The following VAV1 variants were observed in gnomAD, a reference collection of about 807,000 sequenced individuals.
VAV1 encodes vav guanine nucleotide exchange factor 1, also known as proto-oncogene vav.
Under a neutral mutation model 128.1 loss-of-function variants are expected in VAV1, and 33 were observed. The ratio of observed to expected loss-of-function variants is 0.26; its 90% CI spans 0.20 to 0.34. The LOEUF (loss-of-function observed/expected upper bound fraction) is 0.34, where lower values mean the gene tolerates loss of function less well. Among genes scored for constraint, VAV1 ranks in the 10% least tolerant of loss-of-function variants. The pLI is 1.00. For missense variants in VAV1, 715 were observed against 1,093.7 expected (o/e 0.65, Z 4.88); for synonymous variants, 394 against 409.8 (o/e 0.96, Z 0.47).
chr19:6,795,949 C>G (rs1017798211), intron 1 of VAV1, among the ~76,000 whole-genome samples: 2 of 152,160 alleles, frequency 1.3e-5, no homozygotes, highest in African/African-American at 4.8e-5. Context: ...TCCCAAAGTG[C>G]TGGGATTCCA....
At chr19:6,827,514 A>T (rs1568306787) in intron 9 of VAV1, among the ~76,000 whole-genome samples, 1 of 151,694 alleles carries the variant, frequency 6.6e-6, no homozygotes, top group Non-Finnish European at 1.5e-5. Context: ...GGCTCAAGCG[A>T]CTCACCCACT....
chr19:6,779,540 G>A lies in VAV1; in HGVS notation c.204+6529G>A, dbSNP rs80234404. Among the ~76,000 whole-genome samples the A allele has an allele frequency of 1.2e-3, 183 of 150,662 alleles. 2 individuals carry two copies. The highest frequency in any genetic ancestry group is 4.1e-3 in the African/African-American group (171 of 41,388). On this transcript the variant is annotated intron_variant, in intron 1 of 26. Coordinates refer to ENST00000602142, the MANE Select transcript of VAV1 (RefSeq NM_005428.4). ...TTCAAGAAAGACTTACATTTTGCTC[G>A]CCCTGTGCTAGACATTAGTCTAAAC...
chr19:6,842,911 A>T (rs1448086473), intron 21 of VAV1, among the ~76,000 whole-genome samples: 1 of 152,150 alleles, frequency 6.6e-6, no homozygotes, highest in Non-Finnish European at 1.5e-5. Flanking sequence ...GAGGGTAATG[A>T]TAAACTGCTG....
At chr19:6,845,329 G>A (rs902503007) in intron 22 of VAV1, among the ~76,000 whole-genome samples, 2 of 152,100 alleles carry the variant, frequency 1.3e-5, no homozygotes, top group Non-Finnish European at 2.9e-5. Context: ...AGGTTGCAGT[G>A]AGCCGAGATT....
Position 6,822,375 on chromosome 19 carries a change from G to T in VAV1, c.559-44G>T. The T allele has an allele frequency of 1.3e-6, 2 of 1,551,420 alleles. No homozygotes were observed. On this transcript the variant is annotated intron_variant, in intron 5 of 26. Coordinates refer to ENST00000602142, the MANE Select transcript of VAV1 (RefSeq NM_005428.4). This position sits in a 1 kb window ranked among gnomAD's most constrained non-coding sequence, Gnocchi z 5.9. ...GGCCTGGGGAGGGCGTGGGCGGGGG[G>T]CAGCCCCAGGCCCCCCAACACCGGC...
At chr19:6,780,266 C>T (rs917880500) in intron 1 of VAV1, among the ~76,000 whole-genome samples, 2 of 150,000 alleles carry the variant, frequency 1.3e-5, no homozygotes, top group African/African-American at 4.9e-5. Flanking sequence ...ATGCTAAATC[C>T]CTATTTACAG....
Position 6,820,577 on chromosome 19 carries a change from T to G in VAV1, c.205-125T>G. The G allele has an allele frequency of 1.1e-5, 8 of 703,546 alleles. No homozygotes were observed. Among genetic ancestry groups the G allele is most frequent in the Non-Finnish European group, 2.0e-5 (8 of 396,082 alleles). 43.6% of individuals were successfully genotyped at this position (703,546 alleles called of 1,614,324 possible). On this transcript the variant is annotated intron_variant, in intron 1 of 26. Transcript: ENST00000602142. The surrounding 1 kb of genome is among the most constrained non-coding windows in gnomAD (Gnocchi z 4.4). ...AATCTTTACCAGAAGATAATTCAAT[T>G]TCATGGAAGAGGGTCTGTGCTTTCA...
intron 14 of VAV1, among the ~76,000 whole-genome samples, chr19:6,831,317 C>G (rs2144787707): frequency 6.6e-6 from 1 of 152,034 alleles, no homozygotes; most frequent in East Asian, 1.9e-4. Flanking sequence ...TGTGGCTTCT[C>G]TATTTCTTTT....
intron 1 of VAV1, among the ~76,000 whole-genome samples, chr19:6,812,788 G>C (rs1653756196): frequency 6.6e-6 from 1 of 152,094 alleles, no homozygotes; most frequent in Non-Finnish European, 1.5e-5. Context: ...TAATGATGGT[G>C]GTGATGATTA....
At position 6,801,267 on chromosome 19, in the gene VAV1, G is replaced by T. The variant is rs75887324; in HGVS notation, c.205-19435G>T. ...CACCAGGCTCTACCGCAAACATTGGGTCAAGTATTTTCATTCCCGACGTAC... is the reference window on the plus strand; with the variant it reads ...CACCAGGCTCTACCGCAAACATTGGTTCAAGTATTTTCATTCCCGACGTAC... On this transcript the variant is annotated intron_variant, in intron 1 of 26. Transcript: ENST00000602142. Among the ~76,000 whole-genome samples, 620 of 152,250 alleles carry T rather than the reference G, an allele frequency of 4.1e-3. 1 individual carries two copies. Among genetic ancestry groups the T allele is most frequent in the African/African-American group, 0.014 (596 of 41,556 alleles).
chr19:6,789,420 T>G (rs1970967161), intron 1 of VAV1, among the ~76,000 whole-genome samples: 2 of 152,042 alleles, frequency 1.3e-5, no homozygotes, highest in Non-Finnish European at 2.9e-5. Context: ...GCCCAGCTAA[T>G]TTTTTATATT....
intron 1 of VAV1, among the ~76,000 whole-genome samples, chr19:6,794,973 T>C (rs892912050): frequency 6.6e-6 from 1 of 152,142 alleles, no homozygotes; most frequent in Non-Finnish European, 1.5e-5. Flanking sequence ...GGCTATTGAC[T>C]GGAGCACTTA....
In VAV1 at chr19:6,820,780, G is replaced by C. The variant is rs2144767743; in HGVS notation, c.283G>C (p.Glu95Gln). ...CGGCCTCAAGCGGAGCGAGCTCTTC[G>C]AAGCCTTTGACCTCTTCGATGTGCA... ...KFGLKRSELF[E>Q]AFDLFDVQDF... The change falls in exon 2 of 27, where the codon GAA (glutamate) becomes CAA (glutamine). Residue 95 changes from glutamate to glutamine, a missense_variant. Physicochemically the swap from Glu to Gln is conservative, Grantham distance 29. This residue lies in a region of VAV1 where 302 missense variants were observed against 477.8 expected (regional missense o/e 0.63). Coordinates refer to ENST00000602142, the MANE Select transcript of VAV1 (RefSeq NM_005428.4). The surrounding 1 kb of genome is among the most constrained non-coding windows in gnomAD (Gnocchi z 4.4). 6.2e-7 allele frequency: 1 copy of C among 1,614,198 alleles called. No homozygotes were observed. Among genetic ancestry groups the C allele is most frequent in the African/African-American group, 1.3e-5 (1 of 75,036 alleles).
intron 14 of VAV1, among the ~76,000 whole-genome samples, chr19:6,831,092 A>C (rs751527514): frequency 6.6e-5 from 10 of 152,146 alleles, no homozygotes; most frequent in Non-Finnish European, 1.5e-4. Flanking sequence ...TCTATTAAAA[A>C]ATAAATGAAT....
intron 26 of VAV1, among the ~76,000 whole-genome samples, chr19:6,854,359 CTT>C (rs2144836289): frequency 6.6e-6 from 1 of 152,266 alleles, no homozygotes; most frequent in East Asian, 1.9e-4. Flanking sequence ...CCTCATGAAA[CTT>C]ATAATCGAAT....
At chr19:6,800,736 C>T (rs1031765518) in intron 1 of VAV1, among the ~76,000 whole-genome samples, 1 of 152,174 alleles carries the variant, frequency 6.6e-6, no homozygotes. Context: ...ATTCTCCTGC[C>T]TCAGCCTCCA....
chr19:6,842,394 T>C (rs984036079), intron 21 of VAV1, among the ~76,000 whole-genome samples: 4 of 152,172 alleles, frequency 2.6e-5, no homozygotes, highest in Non-Finnish European at 5.9e-5. Context: ...TTGCAACTCT[T>C]CAGCTCCGCC....
intron 1 of VAV1, among the ~76,000 whole-genome samples, chr19:6,785,709 G>T (rs1402467187): frequency 1.3e-5 from 2 of 148,794 alleles, no homozygotes; most frequent in Non-Finnish European, 3.0e-5. Context: ...GCCCAGGCTG[G>T]AGTGCAGTGG....
chr19:6,850,500 CT>C lies in VAV1; in HGVS notation c.2130-167del, dbSNP rs547784896. 5.4e-4 allele frequency among the ~76,000 whole-genome samples: 82 copies of C among 151,470 alleles called. 1 individual carries two copies. The highest frequency in any genetic ancestry group is 2.0e-3 in the African/African-American group (81 of 41,280). On this transcript the variant is annotated intron_variant, in intron 23 of 26. Coordinates refer to ENST00000602142, the MANE Select transcript of VAV1 (RefSeq NM_005428.4). ...CTTCTACGAGAGGAAGACATTAAGG[CT>C]TTAGAGTAGCAAAGGCCCCAGGGAA...
Sources: allele counts gnomAD v4.1 joint callset (sites outside exome capture counted in the v4.1 genomes callset), GRCh38; gene constraint gnomAD v4.1.1; regional missense constraint gnomAD v4.1.1; non-coding constraint Gnocchi (gnomAD v3.1); transcripts MANE v1.5; gene names NCBI Gene and HGNC (gene_info 2026-07-23, HGNC 2026-07-21).